Variants in SNX29 observed in about 807,000 individuals in gnomAD.
The protein encoded by SNX29 is sorting nexin-29.
Under a neutral mutation model 102.1 loss-of-function variants are expected in SNX29, and 78 were observed. The observed-to-expected ratio is 0.76, with a 90% confidence interval of 0.64 to 0.92. SNX29 has a LOEUF of 0.92. Among genes scored for constraint, SNX29 ranks in the 40% least tolerant of loss-of-function variants. SNX29 has a pLI of 0.00. For missense variants in SNX29, 1,280 were observed against 1,061.7 expected (o/e 1.21, Z -2.86); for synonymous variants, 580 against 414.5 (o/e 1.40, Z -4.85).
chr16:12,404,488 T>C (rs4780430), intron 18 of SNX29, among the ~76,000 whole-genome samples: 40,354 of 152,104 alleles, frequency 0.27, 7,124 homozygotes, highest in Non-Finnish European at 0.4. Flanking sequence ...TTCTCAGTGC[T>C]GAGCCCCAGC....
At chr16:12,269,911 A>G (rs945585472) in intron 14 of SNX29, among the ~76,000 whole-genome samples, 5 of 151,990 alleles carry the variant, frequency 3.3e-5, no homozygotes, top group East Asian at 3.9e-4. Context: ...CCCAGGCTGG[A>G]GTGCAGTGGT....
intron 18 of SNX29, among the ~76,000 whole-genome samples, chr16:12,466,919 C>G (rs2087080168): frequency 6.6e-6 from 1 of 152,190 alleles, no homozygotes; most frequent in Non-Finnish European, 1.5e-5. Context: ...ATGGTCCAGT[C>G]CATGGCATAT....
Position 12,571,722 on chromosome 16 carries a change from A to T in SNX29, c.*3093A>T, listed in dbSNP as rs1250203864. On this transcript the variant is annotated 3_prime_UTR_variant, in exon 21 of 21. Transcript: ENST00000566228. ...CAAAAGCTTCTAAGGGAGGGAGCTT[A>T]AAGGCTGCTAGAAACCTAGCCCAAC... The T allele has an allele frequency of 2.0e-5, 21 of 1,050,508 alleles. No homozygotes were observed. Among genetic ancestry groups the T allele is most frequent in the Non-Finnish European group, 2.4e-5 (21 of 867,046 alleles). The allele number at this position is 1,050,508 out of a possible 1,614,324, so 65.1% of individuals were successfully genotyped here.
intron 16 of SNX29, among the ~76,000 whole-genome samples, chr16:12,390,177 TG>T (rs1479782157): frequency 3.3e-5 from 5 of 151,756 alleles, no homozygotes; most frequent in African/African-American, 1.2e-4. Flanking sequence ...TGTGTGTGTG[TG>T]TGTATGTATA....
intron 20 of SNX29, among the ~76,000 whole-genome samples, chr16:12,552,422 T>A (rs1420019981): frequency 6.6e-6 from 1 of 152,150 alleles, no homozygotes; most frequent in African/African-American, 2.4e-5. Flanking sequence ...CGTGGTCAGT[T>A]CTTTTGGCTC....
chr16:12,500,240 C>G (rs1308343940), intron 19 of SNX29, among the ~76,000 whole-genome samples: 1 of 152,198 alleles, frequency 6.6e-6, no homozygotes, highest in African/African-American at 2.4e-5. Context: ...TCAAGCAAAC[C>G]TCGTGCCTCA....
rs1567231849 is a variant in SNX29, at chr16:12,573,068, ATC to A, written c.*4442_*4443del. 2 of 232,076 alleles carry A rather than the reference ATC, an allele frequency of 8.6e-6. No homozygotes were observed. The highest frequency in any genetic ancestry group is 1.1e-4 in the Admixed American group (2 of 17,648). The allele number at this position is 232,076 out of a possible 1,614,324, so 14.4% of individuals were successfully genotyped here. ...CTGCAGTTGTAGCACTGTATATTTTATCTCATTTCTGTGCCAAGAAAGTTCAT... is the reference window on the plus strand; with the variant it reads ...CTGCAGTTGTAGCACTGTATATTTTATCATTTCTGTGCCAAGAAAGTTCAT... On this transcript the variant is annotated 3_prime_UTR_variant, in exon 21 of 21. Coordinates refer to ENST00000566228, the MANE Select transcript of SNX29 (RefSeq NM_032167.5).
At chr16:12,175,238 G>A (rs2076233711) in intron 13 of SNX29, among the ~76,000 whole-genome samples, 1 of 152,154 alleles carries the variant, frequency 6.6e-6, no homozygotes. Context: ...TGGTCATGGA[G>A]TGAATTATGT....
At chr16:12,523,509 G>A (rs1248146846) in intron 19 of SNX29, among the ~76,000 whole-genome samples, 3 of 152,270 alleles carry the variant, frequency 2.0e-5, no homozygotes, top group Admixed American at 1.3e-4. Context: ...CAAGCCAGGG[G>A]CTACTAGCAC....
chr16:12,077,150 A>G (rs1397798236), intron 10 of SNX29, among the ~76,000 whole-genome samples: 2 of 152,206 alleles, frequency 1.3e-5, no homozygotes, highest in East Asian at 3.9e-4. Context: ...GTGGTGGTGC[A>G]TGCCTGTAGT....
intron 20 of SNX29, among the ~76,000 whole-genome samples, chr16:12,550,438 G>C (rs918522645): frequency 2.0e-5 from 3 of 151,908 alleles, no homozygotes; most frequent in Non-Finnish European, 4.4e-5. Context: ...GGGAGGCTGA[G>C]GCAGGAGAAT....
intron 20 of SNX29, chr16:12,526,878 T>C (rs1202576380): frequency 1.0e-5 from 4 of 400,956 alleles, no homozygotes; most frequent in African/African-American, 8.0e-5. Flanking sequence ...TGCGAGCCTG[T>C]CGGTGTGACA....
intron 15 of SNX29, among the ~76,000 whole-genome samples, chr16:12,340,675 C>T (rs929835544): frequency 6.6e-5 from 10 of 152,162 alleles, no homozygotes; most frequent in African/African-American, 1.2e-4. Flanking sequence ...CGAGAACAGT[C>T]GGGAGGGACC....
At chr16:12,388,661 G>GT in intron 16 of SNX29, among the ~76,000 whole-genome samples, 1 of 152,312 alleles carries the variant, frequency 6.6e-6, no homozygotes, top group Admixed American at 6.5e-5. Context: ...AACTGGCTGA[G>GT]TGGGACTGTG....
At chr16:12,246,722 G>A (rs2142344828) in intron 14 of SNX29, among the ~76,000 whole-genome samples, 1 of 152,328 alleles carries the variant, frequency 6.6e-6, no homozygotes. Context: ...TATGTGACCA[G>A]CACAGAAGGG....
chr16:12,207,616 C>G (rs762881673), intron 14 of SNX29, among the ~76,000 whole-genome samples: 15 of 152,136 alleles, frequency 9.9e-5, no homozygotes, highest in South Asian at 8.3e-4. Context: ...ATCACAAACA[C>G]TTTACGACCC....
intron 20 of SNX29, among the ~76,000 whole-genome samples, chr16:12,531,463 G>C (rs867144428): frequency 2.6e-5 from 4 of 152,220 alleles, no homozygotes; most frequent in African/African-American, 9.6e-5. Context: ...AGGAAAGGGG[G>C]ACATGGGTTT....
intron 13 of SNX29, among the ~76,000 whole-genome samples, chr16:12,195,985 CTTTTTTTTTTTT>C (rs762409358): frequency 2.5e-5 from 3 of 117,980 alleles, no homozygotes; most frequent in African/African-American, 6.4e-5. Flanking sequence ...GTTTCTTTTC[CTTTTTTTTTTTT>C]TTTTTTTTTT....
chr16:12,522,495 G>A (rs550847082), intron 19 of SNX29, among the ~76,000 whole-genome samples: 100 of 152,208 alleles, frequency 6.6e-4, no homozygotes, highest in African/African-American at 2.3e-3. Context: ...ATCTCCTGTC[G>A]AATTGTAATC....
Sources: gnomAD v4.1 joint callset for allele counts (sites outside exome capture counted in the v4.1 genomes callset) on GRCh38, gnomAD v4.1.1 for gene constraint, MANE v1.5 for transcripts, NCBI Gene and HGNC (gene_info 2026-07-23, HGNC 2026-07-21) for gene names.